The following FXYD5 variants were observed in gnomAD, a reference collection of about 807,000 sequenced individuals.
FXYD5 encodes the protein FXYD domain-containing ion transport regulator 5.
A neutral mutation model predicts 25.7 loss-of-function variants in FXYD5; 21 were observed. That is an observed-to-expected ratio of 0.82 (90% CI 0.58 to 1.18). The LOEUF is 1.18. Among genes scored for constraint, FXYD5 ranks in the 50% most tolerant of loss-of-function variants. The probability of loss-of-function intolerance (pLI) is 0.00; values close to 1 mark genes in which losing one functional copy is unlikely to be tolerated. For missense variants in FXYD5, 229 were observed against 227.7 expected (o/e 1.01, Z -0.04); for synonymous variants, 101 against 90.7 (o/e 1.11, Z -0.64).
rs2065481336 is a variant in FXYD5, at chr19:35,169,652, C to T, written c.*37C>T. On this transcript the variant is annotated 3_prime_UTR_variant, in exon 9 of 9. Coordinates refer to ENST00000392219, the MANE Select transcript of FXYD5 (RefSeq NM_014164.6). ...ACAGGAGCTGACAACCTGCTGGGCA[C>T]CCGAAGACCAAGCCCCCTGCCAGCT... 1 of 1,416,930 alleles carries T rather than the reference C, an allele frequency of 7.1e-7. No homozygotes were observed. Among genetic ancestry groups the T allele is most frequent in the Non-Finnish European group, 1.0e-6 (1 of 1,000,064 alleles). The allele number at this position is 1,416,930 out of a possible 1,614,324, so 87.8% of individuals were successfully genotyped here. A position where few individuals can be genotyped will look rare whatever the true frequency, so the allele number is the denominator to read the frequency against.
chr19:35,169,686 C>T lies in FXYD5; in HGVS notation c.*71C>T. 4.1e-6 allele frequency: 4 copies of T among 971,672 alleles called. No homozygotes were observed. The highest frequency in any genetic ancestry group is 6.7e-6 in the Non-Finnish European group (4 of 599,320). 60.2% of individuals were successfully genotyped at this position (971,672 alleles called of 1,614,324 possible). On this transcript the variant is annotated 3_prime_UTR_variant, in exon 9 of 9. Coordinates refer to ENST00000392219, the MANE Select transcript of FXYD5 (RefSeq NM_014164.6). The stretch of plus-strand genomic sequence containing the variant: ...CAAGCCCCCTGCCAGCTCACCGTGC[C>T]CAGCCTCCTGCATCCCCTCGAAGAG...
chr19:35,165,685 G>T (rs1478565561), intron 6 of FXYD5, among the ~76,000 whole-genome samples: 1 of 152,166 alleles, frequency 6.6e-6, no homozygotes, highest in Non-Finnish European at 1.5e-5. Context: ...TCGAGATGGA[G>T]TTGCTCTGGT....
chr19:35,159,645 G>T, intron 4 of FXYD5: 2 of 1,548,818 alleles, frequency 1.3e-6, no homozygotes, highest in Non-Finnish European at 1.7e-6. Flanking sequence ...AACGCACTTG[G>T]AATATGTACT....
chr19:35,164,567 G>A (rs1305659227), intron 6 of FXYD5, among the ~76,000 whole-genome samples: 1 of 152,194 alleles, frequency 6.6e-6, no homozygotes, highest in Non-Finnish European at 1.5e-5. Context: ...ACTTACTCAT[G>A]CGTCTGAGGT....
chr19:35,165,284 T>C (rs1189911863), intron 6 of FXYD5, among the ~76,000 whole-genome samples: 2 of 152,230 alleles, frequency 1.3e-5, no homozygotes, highest in South Asian at 2.1e-4. Context: ...TTCTTCGTTA[T>C]ATGCTAAACA....
At chr19:35,166,381 G>A (rs75807286) in intron 8 of FXYD5, 56 bp downstream of exon 8, 58 of 1,156,954 alleles carry the variant, frequency 5.0e-5, no homozygotes, top group Non-Finnish European at 6.2e-5. Context: ...GACTTATGAC[G>A]GAGGGCTGGG....
intron 8 of FXYD5, among the ~76,000 whole-genome samples, chr19:35,168,360 G>A (rs916542771): frequency 6.6e-6 from 1 of 152,194 alleles, no homozygotes; most frequent in Admixed American, 6.5e-5. Context: ...AGGGAAGAGA[G>A]GGGTGGGGAG....
Position 35,157,454 on chromosome 19 carries a change from C to A in FXYD5, c.95C>A (p.Ser32Ter). Residue 32 changes from serine to a stop codon, truncating the protein, a stop_gained, in exon 3 of 9, where the codon TCA (serine) becomes TAA (stop). Coordinates refer to ENST00000392219, the MANE Select transcript of FXYD5 (RefSeq NM_014164.6). LOFTEE classifies it high-confidence loss of function. ...QTLKDTTSSS[S>*]ADSTIMDIQV... ...TTGAAAGATACCACGTCCAGTTCTTCAGCAGACTCAACTATCATGGACATT... is the reference window on the plus strand; with the variant it reads ...TTGAAAGATACCACGTCCAGTTCTTAAGCAGACTCAACTATCATGGACATT... 1.3e-6 allele frequency: 2 copies of A among 1,599,060 alleles called. No individual in the cohort carries two copies. The highest frequency in any genetic ancestry group is 1.1e-5 in the South Asian group (1 of 90,780).
In FXYD5 at chr19:35,169,560, C is replaced by T. The variant is rs780963655; in HGVS notation, c.488-6C>T. ...CTCGTGACTGAATCATTTCCTTCAC[C>T]CACAGGTGGCAAGTGCAGGCAGCTG... On this transcript the variant is annotated splice_polypyrimidine_tract_variant and splice_region_variant and intron_variant, in intron 8 of 8. Transcript: ENST00000392219. 1.7e-5 allele frequency: 27 copies of T among 1,602,144 alleles called. No homozygotes were observed. The highest frequency in any genetic ancestry group is 2.3e-5 in the Non-Finnish European group (27 of 1,168,998).
At position 35,158,481 on chromosome 19, in the gene FXYD5, T is replaced by C. The variant is rs2065377357; in HGVS notation, c.199+81T>C. Reference sequence around the variant, plus strand: ...CTCTTCCTCTGACACTATAGGTCTTTGGTTGCCCATTTCAGTCCCTACTCC... The same window carrying C: ...CTCTTCCTCTGACACTATAGGTCTTCGGTTGCCCATTTCAGTCCCTACTCC... On this transcript the variant is annotated intron_variant, in intron 4 of 8. Transcript: ENST00000392219. 2.6e-5 allele frequency: 23 copies of C among 878,024 alleles called. No homozygotes were observed. In the South Asian group the frequency reaches 3.1e-4, roughly 12 times the overall value. 54.4% of individuals were successfully genotyped at this position (878,024 alleles called of 1,614,324 possible).
intron 8 of FXYD5, among the ~76,000 whole-genome samples, chr19:35,168,417 G>A (rs1462336212): frequency 6.6e-6 from 1 of 152,200 alleles, no homozygotes; most frequent in African/African-American, 2.4e-5. Flanking sequence ...CCCTGATGAT[G>A]AGATGAATCA....
chr19:35,161,972 A>G (rs2065410346), intron 5 of FXYD5, among the ~76,000 whole-genome samples: 1 of 152,250 alleles, frequency 6.6e-6, no homozygotes, highest in African/African-American at 2.4e-5. Context: ...TATTAAAACA[A>G]TCCTACAATG....
intron 6 of FXYD5, among the ~76,000 whole-genome samples, chr19:35,165,677 G>A (rs981279087): frequency 3.3e-5 from 5 of 152,044 alleles, no homozygotes; most frequent in African/African-American, 9.7e-5. Context: ...TACCCTATTC[G>A]AGATGGAGTT....
intron 2 of FXYD5, 78 bp downstream of exon 2, chr19:35,155,689 G>C: frequency 9.5e-7 from 1 of 1,052,070 alleles, no homozygotes; most frequent in Non-Finnish European, 1.5e-6. Context: ...GGGGTGGGTG[G>C]TTGGCCCGTG....
chr19:35,156,732 G>A (rs528080892), intron 2 of FXYD5: 174 of 152,940 alleles, frequency 1.1e-3, no homozygotes, highest in Non-Finnish European at 1.6e-3. Context: ...GAGGACTTAC[G>A]GGCCACGTGA....
At chr19:35,169,487 C>G in intron 8 of FXYD5, 79 bp from the exon 9 acceptor site, 1 of 1,078,352 alleles carries the variant, frequency 9.3e-7, no homozygotes, top group Non-Finnish European at 1.4e-6. Flanking sequence ...GTTGATCAAT[C>G]TGGTTCCCCA....
At position 35,158,366 on chromosome 19, in the gene FXYD5, G is replaced by GCCCACCTCTCCAA. The variant is rs2065375685; in HGVS notation, c.169_181dup (p.Pro61HisfsTer10). ...CAGATGCAGTCTACACAGAACTCCA[G>GCCCACCTCTCCAA]CCCACCTCTCCAACCCCAACCTGGC... On this transcript the variant is annotated frameshift_variant, in exon 4 of 9. Coordinates refer to ENST00000392219, the MANE Select transcript of FXYD5 (RefSeq NM_014164.6). LOFTEE classifies it high-confidence loss of function. 6.2e-7 allele frequency: 1 copy of GCCCACCTCTCCAA among 1,609,166 alleles called. No homozygotes were observed.
At chr19:35,160,861 A>C in intron 5 of FXYD5, 60 bp downstream of exon 5, 1 of 995,952 alleles carries the variant, frequency 1.0e-6, no homozygotes. Context: ...TATCTAGGTC[A>C]ACATTTCCCT....
At chr19:35,164,120 C>T (rs2065430075) in intron 5 of FXYD5, 36 bp from the exon 6 acceptor site, 1 of 1,613,590 alleles carries the variant, frequency 6.2e-7, no homozygotes, top group Non-Finnish European at 8.5e-7. Flanking sequence ...CTCCATGGCT[C>T]ACTCCTGCCC....
Sources: gnomAD v4.1 joint callset for allele counts (sites outside exome capture counted in the v4.1 genomes callset) on GRCh38, gnomAD v4.1.1 for gene constraint, MANE v1.5 for transcripts, NCBI Gene and HGNC (gene_info 2026-07-23, HGNC 2026-07-21) for gene names.